The following LNPEP variants were observed in gnomAD, a reference collection of about 807,000 sequenced individuals.
The protein encoded by LNPEP is leucyl-cystinyl aminopeptidase.
LNPEP carries 64 observed loss-of-function variants against 120.6 expected under a neutral mutation model. That is an observed-to-expected ratio of 0.53 (90% confidence interval 0.43 to 0.65). The LOEUF (loss-of-function observed/expected upper bound fraction) is 0.65. LNPEP is among the 30% of genes least tolerant of loss of function. The probability of loss-of-function intolerance (pLI) is 0.00; values close to 1 mark genes in which losing one functional copy is unlikely to be tolerated. For missense variants in LNPEP, 1,057 were observed against 1,200.0 expected (o/e 0.88, Z 1.76); for synonymous variants, 435 against 425.4 (o/e 1.02, Z -0.28).
intron 8 of LNPEP, among the ~76,000 whole-genome samples, chr5:97,002,001 G>A (rs995772876): frequency 8.5e-5 from 13 of 152,056 alleles, no homozygotes; most frequent in Admixed American, 2.6e-4. Flanking sequence ...TTAGCTGGGC[G>A]TGGTGGTGGT....
intron 1 of LNPEP, among the ~76,000 whole-genome samples, chr5:96,950,235 C>A (rs1448597171): frequency 6.6e-6 from 1 of 152,076 alleles, no homozygotes; most frequent in East Asian, 1.9e-4. Flanking sequence ...CAACATTTAC[C>A]TCCTTTCTTC....
intron 5 of LNPEP, among the ~76,000 whole-genome samples, chr5:96,993,564 A>G (rs989573648): frequency 2.6e-5 from 4 of 152,164 alleles, no homozygotes; most frequent in African/African-American, 9.7e-5. Context: ...AAGCTGATTG[A>G]TTGTAAAGGA....
At chr5:96,959,377 T>C (rs1561431958) in intron 1 of LNPEP, among the ~76,000 whole-genome samples, 1 of 152,216 alleles carries the variant, frequency 6.6e-6, no homozygotes, top group Non-Finnish European at 1.5e-5. Flanking sequence ...ACTCTGAAAT[T>C]TTAATTAATT....
Position 97,019,760 on chromosome 5 carries a change from A to AT in LNPEP, c.2377-2532dup, listed in dbSNP as rs377219177. On this transcript the variant is annotated intron_variant, in intron 13 of 17. Coordinates refer to ENST00000231368, the MANE Select transcript of LNPEP (RefSeq NM_005575.3). ...TTTTAAATAAGATTTCAAGCATGTG[A>AT]TTTTTTTTCTCACATTCTTCATTTG... 3.4e-3 allele frequency among the ~76,000 whole-genome samples: 520 copies of AT among 151,350 alleles called. 1 individual carries two copies. Among genetic ancestry groups the AT allele is most frequent in the Middle Eastern group, 0.01 (3 of 292 alleles).
chr5:96,955,124 C>T (rs913361613), intron 1 of LNPEP, among the ~76,000 whole-genome samples: 1 of 151,748 alleles, frequency 6.6e-6, no homozygotes, highest in Non-Finnish European at 1.5e-5. Context: ...AAAAAATGAC[C>T]CTTCTATCCC....
chr5:97,030,847 G>C lies in LNPEP; in HGVS notation c.*2314G>C, dbSNP rs986310304. On this transcript the variant is annotated 3_prime_UTR_variant, in exon 18 of 18. Coordinates refer to ENST00000231368, the MANE Select transcript of LNPEP (RefSeq NM_005575.3). ...CTTACCTTAATTATTTGTAGTTTTA[G>C]TAGGCCTTGCCTCAGTTTTTCCCAC... The C allele has an allele frequency of 6.1e-4, 92 of 151,972 alleles. No individual in the cohort carries two copies. Among genetic ancestry groups the C allele is most frequent in the African/African-American group, 2.2e-3 (90 of 41,434 alleles). The allele number at this position is 151,972 out of a possible 1,614,324, so 9.4% of individuals were successfully genotyped here. A position where few individuals can be genotyped will look rare whatever the true frequency, so the allele number is the denominator to read the frequency against.
chr5:96,986,421 T>G, intron 3 of LNPEP, 118 bp from the exon 4 acceptor site: 1 of 975,474 alleles, frequency 1.0e-6, no homozygotes, highest in Non-Finnish European at 1.5e-6. Flanking sequence ...ACTGAGAGGT[T>G]ATAATATGCT....
Position 96,979,884 on chromosome 5 carries a change from A to C in LNPEP, c.766A>C (p.Asn256His), listed in dbSNP as rs184257448. The C allele has an allele frequency of 1.2e-6, 2 of 1,613,984 alleles. No homozygotes were observed. The highest frequency in any genetic ancestry group is 3.3e-5 in the Admixed American group (2 of 59,998). The part of the protein sequence containing the change: ...VAPEALLAGH[N>H]YTLKIEYSAN... ...CCCCGAAGCCCTTCTAGCAGGGCAC[A>C]ATTATACGTTGAAGATAGAGTACTC... is the stretch of plus-strand genomic sequence containing the variant. The change falls in exon 2 of 18, where the codon AAT becomes CAT. Residue 256 changes from asparagine to histidine, a missense_variant. Asn to His is a moderately conservative substitution (Grantham distance 68). Transcript: ENST00000231368.
chr5:96,984,368 T>C (rs1331054782), intron 2 of LNPEP, among the ~76,000 whole-genome samples: 3 of 152,208 alleles, frequency 2.0e-5, no homozygotes, highest in Admixed American at 6.5e-5. Flanking sequence ...GACCTTCCTC[T>C]TGAGCCTCAG....
chr5:96,948,095 T>C (rs1245236325), intron 1 of LNPEP, among the ~76,000 whole-genome samples: 1 of 152,012 alleles, frequency 6.6e-6, no homozygotes, highest in Non-Finnish European at 1.5e-5. Context: ...AGAAGCATAG[T>C]GTAAACATTT....
rs1414156079 is a variant in LNPEP, at chr5:97,034,320, GA to G, written c.*5793del. On this transcript the variant is annotated 3_prime_UTR_variant, in exon 18 of 18. Transcript: ENST00000231368. ...TAATGAAAATTGAGGTTCATTCTATGAAAAAATCTCCCCTTCTCCCCTTCCC... is the reference window on the plus strand; with the variant it reads ...TAATGAAAATTGAGGTTCATTCTATGAAAAATCTCCCCTTCTCCCCTTCCC... 15 of 151,870 alleles carry G rather than the reference GA, an allele frequency of 9.9e-5. No homozygotes were observed. Among genetic ancestry groups the G allele is most frequent in the Admixed American group, 9.8e-4 (15 of 15,258 alleles). 9.4% of individuals were successfully genotyped at this position (151,870 alleles called of 1,614,324 possible). A position where few individuals can be genotyped will look rare whatever the true frequency, so the allele number is the denominator to read the frequency against.
At position 97,006,101 on chromosome 5, in the gene LNPEP, G is replaced by C; in HGVS notation, c.1814G>C (p.Arg605Thr). 1 of 1,550,846 alleles carries C rather than the reference G, an allele frequency of 6.4e-7. No individual in the cohort carries two copies. The highest frequency in any genetic ancestry group is 8.7e-7 in the Non-Finnish European group (1 of 1,147,404). ...EVTNQTLDVK[R>T]MMKTWTLQKG... ...ACAAACCAAACACTAGATGTAAAGA[G>C]AATGATGAAAACCTGGACCCTGCAG... Residue 605 changes from arginine to threonine, a missense_variant, in exon 10 of 18, where the codon AGA becomes ACA. Physicochemically the swap from Arg to Thr is moderately conservative, Grantham distance 71. Coordinates refer to ENST00000231368, the MANE Select transcript of LNPEP (RefSeq NM_005575.3).
At chr5:96,992,191 T>A (rs1326232952) in intron 4 of LNPEP, among the ~76,000 whole-genome samples, 1 of 152,164 alleles carries the variant, frequency 6.6e-6, no homozygotes, top group Admixed American at 6.6e-5. Context: ...AATTGCAATT[T>A]AATAATAAGG....
rs1303973763 is a variant in LNPEP at position 96,961,573 on chromosome 5, A to C, written c.20-17565A>C. Among the ~76,000 whole-genome samples, 6 of 152,118 alleles carry C rather than the reference A, an allele frequency of 3.9e-5. No homozygotes were observed. The East Asian group carries it at 1.2e-3, about 29-fold the overall frequency. ...CTGGTTTTTAAAAATAGCAAAACAA[A>C]GTGTCAGCAGCATGGGCACTGTGCT... On this transcript the variant is annotated intron_variant, in intron 1 of 17. Transcript: ENST00000231368.
chr5:97,010,658 CTG>C, intron 11 of LNPEP: 2 of 985,006 alleles, frequency 2.0e-6, no homozygotes, highest in Non-Finnish European at 2.4e-6. Flanking sequence ...TTAAAAATCA[CTG>C]TTAGATTACT....
intron 6 of LNPEP, 46 bp from the exon 7 acceptor site, chr5:96,996,344 T>G: frequency 1.5e-5 from 16 of 1,066,748 alleles, no homozygotes; most frequent in Non-Finnish European, 2.0e-5. Flanking sequence ...AAAAAATTCC[T>G]GAGGCTGTAA....
intron 11 of LNPEP, among the ~76,000 whole-genome samples, chr5:97,008,537 A>C (rs1354986915): frequency 6.7e-6 from 1 of 149,942 alleles, no homozygotes; most frequent in Non-Finnish European, 1.5e-5. Flanking sequence ...TTTTTTGTAG[A>C]GACAGGGCCT....
intron 11 of LNPEP, among the ~76,000 whole-genome samples, chr5:97,009,301 T>C (rs372458787): frequency 5.0e-4 from 76 of 152,178 alleles, no homozygotes; most frequent in East Asian, 4.5e-3. Flanking sequence ...TAACATTCTC[T>C]ACTTCTCCAC....
At chr5:96,952,664 G>T (rs1789351363) in intron 1 of LNPEP, among the ~76,000 whole-genome samples, 1 of 152,218 alleles carries the variant, frequency 6.6e-6, no homozygotes, top group Non-Finnish European at 1.5e-5. Context: ...TGGTGCTAAA[G>T]TAGAGAGAGA....
Sources: gnomAD v4.1 joint callset for allele counts (sites outside exome capture counted in the v4.1 genomes callset) on GRCh38, gnomAD v4.1.1 for gene constraint, MANE v1.5 for transcripts, NCBI Gene and HGNC (gene_info 2026-07-23, HGNC 2026-07-21) for gene names.